ECE1: variants seen among roughly 807,000 people sequenced by gnomAD.
The protein encoded by ECE1 is endothelin converting enzyme 1.
A neutral mutation model predicts 98.6 loss-of-function variants in ECE1; 35 were observed. That is an observed-to-expected ratio of 0.35 (90% CI 0.27 to 0.47). The LOEUF (loss-of-function observed/expected upper bound fraction) is 0.47. ECE1 is among the 20% of genes least tolerant of loss of function. ECE1 has a pLI of 1.00. For missense variants in ECE1, 814 were observed against 1,025.3 expected (o/e 0.79, Z 2.81); for synonymous variants, 394 against 407.1 (o/e 0.97, Z 0.39).
intron 1 of ECE1, among the ~76,000 whole-genome samples, chr1:21,303,377 A>T (rs572698421): frequency 1.3e-5 from 2 of 152,334 alleles, no homozygotes; most frequent in East Asian, 3.9e-4. Context: ...TGGCTCTCCC[A>T]AGCACTCACT....
In ECE1 at chr1:21,327,310, T is replaced by C. The variant is rs944867036; in HGVS notation, c.3+18066A>G. Among the ~76,000 whole-genome samples, 1 of 152,176 alleles carries C rather than the reference T, an allele frequency of 6.6e-6. No individual in the cohort carries two copies. The highest frequency in any genetic ancestry group is 2.4e-5 in the African/African-American group (1 of 41,444). ...GCTTGGACTGTGTGACTCCGGTGGCTCATGCAACCTTTCTGGGCTCTGTTT... is the reference window on the plus strand; with the variant it reads ...GCTTGGACTGTGTGACTCCGGTGGCCCATGCAACCTTTCTGGGCTCTGTTT... On this transcript the variant is annotated intron_variant, in intron 1 of 18. Coordinates refer to the ECE1 transcript ENST00000415912. The surrounding 1 kb of genome is among the most constrained non-coding windows in gnomAD (Gnocchi z 4.6).
intron 1 of ECE1, among the ~76,000 whole-genome samples, chr1:21,306,030 C>T (rs1258836085): frequency 6.6e-6 from 1 of 152,204 alleles, no homozygotes; most frequent in Non-Finnish European, 1.5e-5. Context: ...CAGCATCCAT[C>T]CTTCTCCACA....
At chr1:21,245,943 A>G (rs562181942) in intron 9 of ECE1, among the ~76,000 whole-genome samples, 4 of 152,208 alleles carry the variant, frequency 2.6e-5, no homozygotes, top group African/African-American at 7.2e-5. Flanking sequence ...GCACACACAC[A>G]TACCACAAGA....
At chr1:21,257,846 A>G (rs1054471734) in intron 6 of ECE1, among the ~76,000 whole-genome samples, 1 of 152,064 alleles carries the variant, frequency 6.6e-6, no homozygotes, top group Non-Finnish European at 1.5e-5. Context: ...CCTCCTTTTT[A>G]AACAGCTACT....
chr1:21,233,607 A>G lies in ECE1; in HGVS notation c.1621T>C (p.Ser541Pro). 1 of 1,613,972 alleles carries G rather than the reference A, an allele frequency of 6.2e-7. No homozygotes were observed. The highest frequency in any genetic ancestry group is 8.5e-7 in the Non-Finnish European group (1 of 1,179,976). The change falls in exon 14 of 19, where the codon TCA (serine) becomes CCA (proline). Residue 541 changes from serine (S) to proline (P), a missense_variant. Ser to Pro is a moderately conservative substitution (Grantham distance 74). Around this residue, in one of 3 missense-constraint regions of ECE1, gnomAD observed 452 missense variants for 567.3 expected, o/e 0.80. Coordinates refer to ENST00000374893, the MANE Select transcript of ECE1 (RefSeq NM_001397.3). The surrounding 1 kb of genome is among the most constrained non-coding windows in gnomAD (Gnocchi z 4.0). ...FENAMRFFNF[S>P]WRVTADQLRK... Reference sequence around the variant, plus strand: ...AGCTGATCGGCAGTGACCCTCCATGAGAAGTTGAAAAACCGCATGGCATTT... The same window carrying G: ...AGCTGATCGGCAGTGACCCTCCATGGGAAGTTGAAAAACCGCATGGCATTT...
chr1:21,242,698 C>G (rs2098198057), intron 10 of ECE1, among the ~76,000 whole-genome samples: 1 of 152,246 alleles, frequency 6.6e-6, no homozygotes, highest in Non-Finnish European at 1.5e-5. Context: ...CTGTGCCCCA[C>G]TTGCTCCAAG....
chr1:21,268,401 G>A (rs191368085), intron 4 of ECE1, among the ~76,000 whole-genome samples: 564 of 152,350 alleles, frequency 3.7e-3, no homozygotes, highest in Non-Finnish European at 6.3e-3. Flanking sequence ...TGTGTGTCCT[G>A]CAGCTGAGGT....
At chr1:21,314,205 T>C (rs1442133358) in intron 1 of ECE1, among the ~76,000 whole-genome samples, 1 of 152,192 alleles carries the variant, frequency 6.6e-6, no homozygotes, top group African/African-American at 2.4e-5. Flanking sequence ...TGGGATCAAA[T>C]TTGAACCCAA....
intron 1 of ECE1, among the ~76,000 whole-genome samples, chr1:21,324,671 A>T (rs1639037915): frequency 6.6e-6 from 1 of 152,178 alleles, no homozygotes; most frequent in Admixed American, 6.5e-5. Context: ...GAGCTGAGTC[A>T]GGCAGAAGGA....
At chr1:21,290,787 A>G (rs2098265944), upstream of ECE1, among the ~76,000 whole-genome samples, 1 of 152,220 alleles carries the variant, frequency 6.6e-6, no homozygotes, top group South Asian at 2.1e-4. The surrounding 1 kb of genome is among the most constrained non-coding windows in gnomAD (Gnocchi z 7.3). Context: ...TCCCCCCGGC[A>G]TCAGCCCTTA....
At chr1:21,295,283 G>A (rs954768084), upstream of ECE1, among the ~76,000 whole-genome samples, 1 of 152,236 alleles carries the variant, frequency 6.6e-6, no homozygotes, top group Non-Finnish European at 1.5e-5. Context: ...GACCCAGGCC[G>A]GAGGATTGTT....
intron 4 of ECE1, among the ~76,000 whole-genome samples, chr1:21,264,207 A>G (rs1198517720): frequency 1.3e-5 from 2 of 151,898 alleles, no homozygotes; most frequent in Non-Finnish European, 2.9e-5. Flanking sequence ...TCGAAGTTTG[A>G]GGCCTCTATG....
chr1:21,252,622 T>C (rs2098214243), intron 8 of ECE1, among the ~76,000 whole-genome samples: 1 of 152,218 alleles, frequency 6.6e-6, no homozygotes, highest in Admixed American at 6.5e-5. Context: ...GAAGAGTGTC[T>C]GATTCACAGC....
intron 1 of ECE1, among the ~76,000 whole-genome samples, chr1:21,315,170 A>C (rs934465690): frequency 6.6e-6 from 1 of 152,252 alleles, no homozygotes; most frequent in Non-Finnish European, 1.5e-5. Context: ...GATAAGGCTC[A>C]GAAAGGTTAA....
chr1:21,219,922 C>G lies in ECE1; in HGVS notation c.*33G>C. ...TGGGGGTCTCGTCCTCAGCCCCTTC[C>G]CCTCCTCCGTCTTGGCTCTCTCCGC... On this transcript the variant is annotated 3_prime_UTR_variant, in exon 19 of 19. Transcript: ENST00000374893. This position sits in a 1 kb window ranked among gnomAD's most constrained non-coding sequence, Gnocchi z 4.5. 6.2e-7 allele frequency: 1 copy of G among 1,613,216 alleles called. No individual in the cohort carries two copies. The highest frequency in any genetic ancestry group is 8.5e-7 in the Non-Finnish European group (1 of 1,179,882).
intron 1 of ECE1, among the ~76,000 whole-genome samples, chr1:21,317,496 C>T (rs1437894022): frequency 2.6e-5 from 4 of 152,206 alleles, no homozygotes; most frequent in African/African-American, 7.2e-5. Flanking sequence ...GAGCTGGTGA[C>T]GCATCTGCAG....
chr1:21,279,050 C>T lies in ECE1; in HGVS notation c.280+141G>A. 10 of 1,410,398 alleles carry T rather than the reference C, an allele frequency of 7.1e-6. No homozygotes were observed. The South Asian group carries it at 1.1e-4, about 15-fold the overall frequency. 87.4% of individuals were successfully genotyped at this position (1,410,398 alleles called of 1,614,324 possible). ...CTTCCCGGGTCTTGGTCTATCTCAG[C>T]ACCCAGACCCCCCTGGGCCTGGCTC... On this transcript the variant is annotated intron_variant, in intron 3 of 18. Coordinates refer to ENST00000374893, the MANE Select transcript of ECE1 (RefSeq NM_001397.3).
At chr1:21,257,729 C>CA in intron 6 of ECE1, 139 bp from the exon 7 acceptor site, 1 of 900,970 alleles carries the variant, frequency 1.1e-6, no homozygotes, top group Non-Finnish European at 1.8e-6. Context: ...CTGCTGGCTA[C>CA]AGTCACTGAG....
rs1246668062 is a variant in ECE1 at position 21,225,076 on chromosome 1, C to A, written c.2040+174G>T. Among the ~76,000 whole-genome samples the A allele has an allele frequency of 1.3e-5, 2 of 152,212 alleles. No individual in the cohort carries two copies. Among genetic ancestry groups the A allele is most frequent in the Non-Finnish European group, 2.9e-5 (2 of 68,044 alleles). On this transcript the variant is annotated intron_variant, in intron 17 of 18. Transcript: ENST00000374893. This position sits in a 1 kb window ranked among gnomAD's most constrained non-coding sequence, Gnocchi z 5.3. ...GGTGCCAAGCCCTGTGGTGGGGGAG[C>A]CTCCACGGTCGGCATCGCGATTGGT... is the stretch of plus-strand genomic sequence containing the variant.
Sources: allele counts gnomAD v4.1 joint callset (sites outside exome capture counted in the v4.1 genomes callset), GRCh38; gene constraint gnomAD v4.1.1; regional missense constraint gnomAD v4.1.1; non-coding constraint Gnocchi (gnomAD v3.1); transcripts MANE v1.5; gene names NCBI Gene and HGNC (gene_info 2026-07-23, HGNC 2026-07-21).